Variants in LRP2 observed in about 807,000 individuals in gnomAD.
LRP2 encodes the protein LDL receptor related protein 2.
LRP2 carries 172 observed loss-of-function variants against 531.0 expected under a neutral mutation model. That is an observed-to-expected ratio of 0.32 (90% CI 0.29 to 0.37). The LOEUF (loss-of-function observed/expected upper bound fraction) is 0.37. Among genes scored for constraint, LRP2 ranks in the 10% least tolerant of loss-of-function variants. The probability of loss-of-function intolerance (pLI) is 1.00; values close to 1 mark genes in which losing one functional copy is unlikely to be tolerated. For synonymous variants in LRP2, 1,992 were observed against 2,027.6 expected (o/e 0.98, Z 0.47); for missense variants, 5,167 against 5,868.3 (o/e 0.88, Z 3.90).
rs1553508684 is a variant in LRP2 at position 169,284,256 on chromosome 2, C to CTCTTTTTTTTTTTTTTTTTTTTT, written c.1043-1256_1043-1255insAAAAAAAAAAAAAAAAAAAAAGA. ...CTTTTCTTTTCTTTTTCTTTTTTTT[C>CTCTTTTTTTTTTTTTTTTTTTTT]TTTTTTTTTTTTTTTTTTTTTTTTT... On this transcript the variant is annotated intron_variant, in intron 9 of 78. Transcript: ENST00000649046. Among the ~76,000 whole-genome samples the CTCTTTTTTTTTTTTTTTTTTTTT allele has an allele frequency of 8.3e-5, 8 of 96,668 alleles. 1 individual carries two copies. The highest frequency in any genetic ancestry group is 1.3e-4 in the African/African-American group (3 of 22,690). 63.4% of individuals were successfully genotyped at this position (96,668 alleles called of 152,430 possible).
intron 51 of LRP2, 143 bp downstream of exon 51, chr2:169,182,024 C>G (rs1367988194): frequency 2.9e-6 from 3 of 1,041,172 alleles, no homozygotes; most frequent in Non-Finnish European, 2.9e-6. Flanking sequence ...ACTCATTACA[C>G]TAAACAATTT....
chr2:169,157,523 A>C, intron 63 of LRP2, 21 bp from the exon 64 acceptor site: 1 of 1,611,340 alleles, frequency 6.2e-7, no homozygotes, highest in Admixed American at 1.7e-5. Context: ...AAATCCCAGC[A>C]TTACAAACCA....
intron 57 of LRP2, 63 bp from the exon 58 acceptor site, chr2:169,172,197 T>C: frequency 6.3e-7 from 1 of 1,595,150 alleles, no homozygotes; most frequent in Non-Finnish European, 8.6e-7. Context: ...AAAGTAGTAT[T>C]GGCTTCCTTG....
chr2:169,337,295 C>T (rs1685432580), intron 1 of LRP2, among the ~76,000 whole-genome samples: 1 of 152,184 alleles, frequency 6.6e-6, no homozygotes, highest in Non-Finnish European at 1.5e-5. Flanking sequence ...TACATACCTT[C>T]CTCACTGGCT....
chr2:169,347,208 T>G (rs1286786329), intron 1 of LRP2, among the ~76,000 whole-genome samples: 1 of 152,188 alleles, frequency 6.6e-6, no homozygotes, highest in Admixed American at 6.5e-5. Context: ...ATTTCCACAT[T>G]GTAATAGGAG....
In LRP2 at chr2:169,294,562, T is replaced by C. The variant is rs371664439; in HGVS notation, c.538+38A>G. The C allele has an allele frequency of 4.2e-6, 6 of 1,442,908 alleles. No homozygotes were observed. In the African/African-American group the frequency reaches 5.6e-5, roughly 13 times the overall value. The allele number at this position is 1,442,908 out of a possible 1,614,324, so 89.4% of individuals were successfully genotyped here. ...CTCTCTCAAACCAGTATAAACCAGC[T>C]TCAGCACACAACTGCACATCTTGTG... On this transcript the variant is annotated intron_variant, in intron 5 of 78. Coordinates refer to ENST00000649046, the MANE Select transcript of LRP2 (RefSeq NM_004525.3).
intron 25 of LRP2, 56 bp from the exon 26 acceptor site, chr2:169,239,831 G>A (rs1689739960): frequency 6.9e-7 from 1 of 1,455,870 alleles, no homozygotes; most frequent in African/African-American, 1.4e-5. Context: ...TTGCTTCTTT[G>A]ATTCACTCTT....
intron 17 of LRP2, among the ~76,000 whole-genome samples, 162 bp from the exon 18 acceptor site, chr2:169,257,411 C>T (rs1690348848): frequency 6.6e-6 from 1 of 152,088 alleles, no homozygotes. Context: ...ATGTAATTCT[C>T]AGTTAAAATT....
chr2:169,168,018 AATAT>A (rs4001548), intron 61 of LRP2, among the ~76,000 whole-genome samples: 3,400 of 68,160 alleles, frequency 0.05, 376 homozygotes, highest in African/African-American at 0.13. Context: ...CAGGGTTTAA[AATAT>A]ATATATATAT....
intron 16 of LRP2, among the ~76,000 whole-genome samples, chr2:169,261,262 A>C (rs974416323): frequency 2.0e-5 from 3 of 152,050 alleles, no homozygotes. Flanking sequence ...GAATTTGGAA[A>C]AAAGAAGGTA....
intron 17 of LRP2, among the ~76,000 whole-genome samples, chr2:169,258,160 G>T (rs1472543720): frequency 2.6e-5 from 4 of 152,038 alleles, no homozygotes; most frequent in African/African-American, 7.2e-5. Flanking sequence ...TACTCTAGAT[G>T]CAGCAAACAG....
intron 1 of LRP2, among the ~76,000 whole-genome samples, chr2:169,362,067 G>C (rs967036101): frequency 6.6e-6 from 1 of 152,266 alleles, no homozygotes; most frequent in Non-Finnish European, 1.5e-5. Flanking sequence ...CAGGGTCTCC[G>C]TGGGGTGCGC....
rs1006738 is a variant in LRP2 at position 169,151,140 on chromosome 2, C to A, written c.12462-114G>T. On this transcript the variant is annotated intron_variant, in intron 67 of 78. Coordinates refer to ENST00000649046, the MANE Select transcript of LRP2 (RefSeq NM_004525.3). ...GGCTGGTGAGACAGCTGCTCAGATA[C>A]CTATCATCAGACCATAGTCCCCCTC... 262 of 1,058,712 alleles carry A rather than the reference C, an allele frequency of 2.5e-4. No homozygotes were observed. In the African/African-American group the frequency reaches 3.3e-3, roughly 14 times the overall value. 65.6% of individuals were successfully genotyped at this position (1,058,712 alleles called of 1,614,324 possible). A position where few individuals can be genotyped will look rare whatever the true frequency, so the allele number is the denominator to read the frequency against.
At chr2:169,296,236 A>G (rs1187655782) in intron 4 of LRP2, among the ~76,000 whole-genome samples, 1 of 152,300 alleles carries the variant, frequency 6.6e-6, no homozygotes, top group Non-Finnish European at 1.5e-5. Flanking sequence ...AAATATCTCA[A>G]TTGCCAGAGT....
At chr2:169,190,314 T>C (rs2105308710) in intron 48 of LRP2, among the ~76,000 whole-genome samples, 1 of 152,370 alleles carries the variant, frequency 6.6e-6, no homozygotes, top group East Asian at 1.9e-4. Flanking sequence ...CTCTTGAATG[T>C]CTTTGCATTG....
At chr2:169,211,238 A>T (rs755509640) in intron 37 of LRP2, among the ~76,000 whole-genome samples, 4 of 152,036 alleles carry the variant, frequency 2.6e-5, no homozygotes, top group Non-Finnish European at 4.4e-5. Context: ...CATTGACTTC[A>T]TCCTTTTTTC....
At chr2:169,306,411 G>A (rs1001309038) in intron 4 of LRP2, among the ~76,000 whole-genome samples, 2 of 152,190 alleles carry the variant, frequency 1.3e-5, no homozygotes, top group African/African-American at 2.4e-5. Flanking sequence ...GCGCATGCCT[G>A]TAATCCCAGC....
At chr2:169,261,118 A>G (rs1333967745) in intron 16 of LRP2, among the ~76,000 whole-genome samples, 1 of 152,074 alleles carries the variant, frequency 6.6e-6, no homozygotes, top group Non-Finnish European at 1.5e-5. Flanking sequence ...CAACCTTTCA[A>G]GAAACTTGAC....
chr2:169,337,884 A>C (rs1685448417), intron 1 of LRP2, among the ~76,000 whole-genome samples: 1 of 152,188 alleles, frequency 6.6e-6, no homozygotes, highest in Admixed American at 6.5e-5. Flanking sequence ...AGGCAGGAGG[A>C]TCGCTTGAGC....
Sources: gnomAD v4.1 joint callset for allele counts (sites outside exome capture counted in the v4.1 genomes callset) on GRCh38, gnomAD v4.1.1 for gene constraint, MANE v1.5 for transcripts, NCBI Gene and HGNC (gene_info 2026-07-23, HGNC 2026-07-21) for gene names.